Variants in SLC41A3 observed in about 807,000 individuals in gnomAD.
The protein encoded by SLC41A3 is SLC41A1-like 2.
In SLC41A3, 44 loss-of-function variants were observed where a neutral mutation model predicts 45.4. The observed-to-expected ratio is 0.97, with a 90% CI of 0.76 to 1.25. The LOEUF is 1.25. Ranked by LOEUF, SLC41A3 falls within the 50% of genes most tolerant of loss-of-function variation. The pLI is 0.00. For missense variants in SLC41A3, 550 were observed against 600.6 expected (o/e 0.92, Z 0.88); for synonymous variants, 256 against 252.4 (o/e 1.01, Z -0.13).
At chr3:126,082,307 C>T (rs1478389096) in intron 1 of SLC41A3, among the ~76,000 whole-genome samples, 1 of 152,210 alleles carries the variant, frequency 6.6e-6, no homozygotes, top group Non-Finnish European at 1.5e-5. Context: ...CCAGAAGATG[C>T]CAGTGGAGGC....
intron 2 of SLC41A3, among the ~76,000 whole-genome samples, chr3:126,065,031 G>T (rs925786343): frequency 6.6e-6 from 1 of 152,254 alleles, no homozygotes; most frequent in Non-Finnish European, 1.5e-5. Context: ...CGTAGGAGTG[G>T]CCTCGAGAAG....
chr3:126,096,179 G>A (rs1437353831), intron 1 of SLC41A3, among the ~76,000 whole-genome samples: 4 of 152,210 alleles, frequency 2.6e-5, no homozygotes, highest in African/African-American at 9.6e-5. Flanking sequence ...CAGATTAGCA[G>A]CTAGTAACCC....
chr3:126,072,954 T>C (rs1158536381), intron 1 of SLC41A3, among the ~76,000 whole-genome samples: 1 of 152,180 alleles, frequency 6.6e-6, no homozygotes, highest in Non-Finnish European at 1.5e-5. Flanking sequence ...AACAAGATCA[T>C]GTCATCTGCA....
At chr3:126,060,425 A>T (rs1943997188) in intron 2 of SLC41A3, among the ~76,000 whole-genome samples, 2 of 50,976 alleles carry the variant, frequency 3.9e-5, no homozygotes, top group South Asian at 1.3e-3. Flanking sequence ...GTCTCAAAAA[A>T]AAAGTGAGAA....
intron 2 of SLC41A3, among the ~76,000 whole-genome samples, chr3:126,053,367 C>G (rs1382496064): frequency 6.6e-6 from 1 of 152,198 alleles, no homozygotes; most frequent in Admixed American, 6.5e-5. Flanking sequence ...CTCAGACTTC[C>G]AGCCTCTGGA....
chr3:126,046,544 T>C (rs1942971545), intron 3 of SLC41A3, among the ~76,000 whole-genome samples: 1 of 152,190 alleles, frequency 6.6e-6, no homozygotes, highest in Non-Finnish European at 1.5e-5. Context: ...TGAATTAACT[T>C]AACCAAGAAG....
chr3:126,022,555 C>T (rs1940980496), intron 6 of SLC41A3, among the ~76,000 whole-genome samples: 1 of 152,230 alleles, frequency 6.6e-6, no homozygotes, highest in African/African-American at 2.4e-5. Context: ...GTCCCACTCC[C>T]ATGATAACTC....
chr3:126,088,408 C>T (rs73859010), upstream of SLC41A3, among the ~76,000 whole-genome samples: 6,372 of 152,082 alleles, frequency 0.042, 207 homozygotes, highest in East Asian at 0.15. Context: ...AATTTAAAAT[C>T]TTAAAGTCAT....
intron 5 of SLC41A3, chr3:126,024,226 A>C (rs1941154145): frequency 6.6e-6 from 1 of 152,244 alleles, no homozygotes; most frequent in Non-Finnish European, 1.5e-5. Flanking sequence ...GCTTCATCCG[A>C]TCTCTGGGCC....
At chr3:126,067,550 T>C (rs1363114450) in intron 2 of SLC41A3, 1 of 444,166 alleles carries the variant, frequency 2.3e-6, no homozygotes, top group Non-Finnish European at 4.5e-6. Context: ...AAACCAATGC[T>C]GCCAACACCT....
chr3:126,049,069 G>A (rs1943154993), intron 3 of SLC41A3, among the ~76,000 whole-genome samples: 1 of 152,258 alleles, frequency 6.6e-6, no homozygotes, highest in South Asian at 2.1e-4. Flanking sequence ...GGGAGGCCAA[G>A]GCGGGTGGAT....
chr3:126,031,147 A>G (rs1344921204), intron 4 of SLC41A3, among the ~76,000 whole-genome samples: 2 of 152,256 alleles, frequency 1.3e-5, no homozygotes, highest in Admixed American at 1.3e-4. Context: ...ACACATTTAT[A>G]TGGTGAATTC....
At chr3:126,082,116 G>A (rs1158235750) in intron 1 of SLC41A3, among the ~76,000 whole-genome samples, 1 of 152,266 alleles carries the variant, frequency 6.6e-6, no homozygotes, top group Non-Finnish European at 1.5e-5. Context: ...CATGGCCAAA[G>A]GCCCCTCAGC....
intron 1 of SLC41A3, among the ~76,000 whole-genome samples, chr3:126,079,240 C>CACACA (rs35781435): frequency 0.03 from 3,029 of 100,822 alleles, 67 homozygotes; most frequent in African/African-American, 0.059. Flanking sequence ...ACACACACAC[C>CACACA]CACACACGAT....
upstream of SLC41A3, among the ~76,000 whole-genome samples, chr3:126,084,923 G>C (rs925840574): frequency 1.3e-5 from 2 of 152,176 alleles, no homozygotes; most frequent in Admixed American, 1.3e-4. Flanking sequence ...TCCCTCTCCT[G>C]CATTAACATC....
At chr3:126,008,629 A>G in intron 10 of SLC41A3, 103 bp downstream of exon 10, 1 of 1,533,154 alleles carries the variant, frequency 6.5e-7, no homozygotes, top group Non-Finnish European at 8.9e-7. Flanking sequence ...CCACACGTCC[A>G]GCCACCCCCA....
intron 5 of SLC41A3, chr3:126,024,813 C>G (rs904713839): frequency 2.0e-5 from 3 of 152,260 alleles, no homozygotes; most frequent in Non-Finnish European, 2.9e-5. Flanking sequence ...AGAGTCCATT[C>G]ATTCAGCGAA....
chr3:126,027,208 A>G (rs939847781), intron 4 of SLC41A3, among the ~76,000 whole-genome samples: 3 of 152,004 alleles, frequency 2.0e-5, no homozygotes, highest in African/African-American at 7.2e-5. Context: ...GTGGGAGGTG[A>G]TTGGATCACA....
upstream of SLC41A3, among the ~76,000 whole-genome samples, chr3:126,086,300 C>T (rs761516650): frequency 6.6e-5 from 10 of 151,240 alleles, no homozygotes; most frequent in Non-Finnish European, 8.8e-5. Flanking sequence ...TTCCTAAGTT[C>T]TCTTCTTCTC....
Sources: allele counts gnomAD v4.1 joint callset (sites outside exome capture counted in the v4.1 genomes callset), GRCh38; gene constraint gnomAD v4.1.1; transcripts MANE v1.5; gene names NCBI Gene and HGNC (gene_info 2026-07-23, HGNC 2026-07-21).